The following PXDNL variants were observed in gnomAD, a reference collection of about 807,000 sequenced individuals.
PXDNL encodes the protein probable oxidoreductase PXDNL.
A neutral mutation model predicts 150.8 loss-of-function variants in PXDNL; 145 were observed. That is an observed-to-expected ratio of 0.96 (90% confidence interval 0.84 to 1.10). The LOEUF (loss-of-function observed/expected upper bound fraction) is 1.10. Among genes scored for constraint, PXDNL ranks in the 50% least tolerant of loss-of-function variants. PXDNL has a pLI of 0.00. For missense variants in PXDNL, 2,087 were observed against 1,873.9 expected (o/e 1.11, Z -2.10); for synonymous variants, 757 against 725.7 (o/e 1.04, Z -0.69).
chr8:51,402,029 G>A (rs543701091), intron 17 of PXDNL, among the ~76,000 whole-genome samples: 17 of 152,144 alleles, frequency 1.1e-4, no homozygotes, highest in Non-Finnish European at 2.2e-4. Flanking sequence ...ACCTTTTCGG[G>A]CAAAGGAAGA....
intron 1 of PXDNL, among the ~76,000 whole-genome samples, chr8:51,780,662 T>C (rs2037405758): frequency 7.1e-6 from 1 of 140,520 alleles, no homozygotes. Context: ...TTCTTTTTTT[T>C]TTTTTTTTTT....
Position 51,430,092 on chromosome 8 carries a change from G to A in PXDNL, c.1526-3334C>T, listed in dbSNP as rs931553502. On this transcript the variant is annotated intron_variant, in intron 12 of 22. Transcript: ENST00000356297. ...CCTCCTTTGTCTGATGTCCTTTATC[G>A]CCAGCTGCTTTCACCTCCTGACACA... Among the ~76,000 whole-genome samples, 7 of 152,064 alleles carry A rather than the reference G, an allele frequency of 4.6e-5. No homozygotes were observed. The East Asian group carries it at 7.8e-4, about 17-fold the overall frequency.
At chr8:51,424,563 TAAA>T (rs978124117) in intron 13 of PXDNL, among the ~76,000 whole-genome samples, 9 of 152,068 alleles carry the variant, frequency 5.9e-5, no homozygotes, top group African/African-American at 2.2e-4. Context: ...TATAAGAAGA[TAAA>T]AATAACTACA....
chr8:51,349,769 C>A lies in PXDNL; in HGVS notation c.3902-3822G>T, dbSNP rs750506556. The stretch of plus-strand genomic sequence containing the variant: ...GCTCAGGCAATCCTATGTCTTTCCA[C>A]GAATTGATCAAAACTATGCAACTTT... On this transcript the variant is annotated intron_variant, in intron 19 of 22. Transcript: ENST00000356297. Among the ~76,000 whole-genome samples, 9 of 152,270 alleles carry A rather than the reference C, an allele frequency of 5.9e-5. No individual in the cohort carries two copies. The East Asian group carries it at 1.5e-3, about 26-fold the overall frequency.
At chr8:51,804,273 G>A (rs964016157) in intron 1 of PXDNL, among the ~76,000 whole-genome samples, 4 of 152,168 alleles carry the variant, frequency 2.6e-5, no homozygotes, top group African/African-American at 7.2e-5. Context: ...CTCTCCAAAG[G>A]AGGCAATCGG....
intron 12 of PXDNL, among the ~76,000 whole-genome samples, chr8:51,431,917 A>G (rs1464176601): frequency 1.3e-5 from 2 of 152,182 alleles, no homozygotes; most frequent in East Asian, 1.9e-4. Context: ...TATATATTAC[A>G]GATATCAAAA....
At chr8:51,430,964 C>G (rs1809233133) in intron 12 of PXDNL, among the ~76,000 whole-genome samples, 1 of 152,140 alleles carries the variant, frequency 6.6e-6, no homozygotes, top group Admixed American at 6.6e-5. Context: ...CCTACTTCAT[C>G]TCTTGGAATA....
intron 3 of PXDNL, among the ~76,000 whole-genome samples, chr8:51,562,773 C>A (rs1284937901): frequency 6.6e-6 from 1 of 151,946 alleles, no homozygotes; most frequent in East Asian, 1.9e-4. Context: ...GGTTTCTAAC[C>A]TACCATGGGA....
chr8:51,637,700 G>A (rs1295797671), intron 2 of PXDNL, among the ~76,000 whole-genome samples: 1 of 152,230 alleles, frequency 6.6e-6, no homozygotes, highest in Non-Finnish European at 1.5e-5. Context: ...ATGGGACTAT[G>A]TGAAAAGACC....
chr8:51,535,997 G>C (rs905852255), intron 4 of PXDNL, among the ~76,000 whole-genome samples: 7 of 152,096 alleles, frequency 4.6e-5, no homozygotes, highest in Non-Finnish European at 2.9e-5. Context: ...CTGGACTTGG[G>C]GGATGGAACA....
intron 5 of PXDNL, among the ~76,000 whole-genome samples, chr8:51,485,914 G>A (rs1040653947): frequency 2.6e-5 from 4 of 152,162 alleles, no homozygotes; most frequent in African/African-American, 7.2e-5. Context: ...TTATCTTAAG[G>A]AACACTGGAA....
intron 2 of PXDNL, among the ~76,000 whole-genome samples, chr8:51,629,837 A>C (rs1051092930): frequency 6.6e-6 from 1 of 152,172 alleles, no homozygotes; most frequent in African/African-American, 2.4e-5. Flanking sequence ...ATCCCTCGAA[A>C]ATGAATAATA....
intron 1 of PXDNL, among the ~76,000 whole-genome samples, chr8:51,662,140 A>G (rs920605253): frequency 2.0e-5 from 3 of 152,236 alleles, no homozygotes; most frequent in Non-Finnish European, 4.4e-5. Context: ...CTGGGATCAG[A>G]AAATCAATTA....
intron 4 of PXDNL, among the ~76,000 whole-genome samples, chr8:51,543,199 A>T (rs1284074543): frequency 6.6e-6 from 1 of 152,146 alleles, no homozygotes; most frequent in Non-Finnish European, 1.5e-5. Flanking sequence ...CCAAACTTTC[A>T]CTCAGTTCAA....
At chr8:51,753,529 T>C (rs1013439647) in intron 1 of PXDNL, among the ~76,000 whole-genome samples, 1 of 152,270 alleles carries the variant, frequency 6.6e-6, no homozygotes, top group African/African-American at 2.4e-5. Context: ...GTGTTCATTC[T>C]GATCCATAGT....
intron 1 of PXDNL, among the ~76,000 whole-genome samples, chr8:51,773,658 G>C (rs2037323037): frequency 6.6e-6 from 1 of 152,188 alleles, no homozygotes; most frequent in Admixed American, 6.5e-5. Context: ...GAAGTCAAAT[G>C]AAGTCAAATT....
chr8:51,777,124 A>G (rs1279639152), intron 1 of PXDNL, among the ~76,000 whole-genome samples: 2 of 152,192 alleles, frequency 1.3e-5, no homozygotes, highest in Non-Finnish European at 2.9e-5. Context: ...CCCATTTAAT[A>G]TATGCAAAAT....
At chr8:51,499,571 G>A (rs1811138482) in intron 5 of PXDNL, 128 bp downstream of exon 5, 1 of 639,174 alleles carries the variant, frequency 1.6e-6, no homozygotes, top group Admixed American at 2.6e-5. Context: ...CTGTTTTGTA[G>A]TGCCAAGGTA....
intron 1 of PXDNL, among the ~76,000 whole-genome samples, chr8:51,751,594 G>A (rs1331265579): frequency 6.6e-6 from 1 of 152,160 alleles, no homozygotes; most frequent in Non-Finnish European, 1.5e-5. Flanking sequence ...AGAAAAAAGG[G>A]AATTTGCATT....
Sources: allele counts gnomAD v4.1 joint callset (sites outside exome capture counted in the v4.1 genomes callset), GRCh38; gene constraint gnomAD v4.1.1; transcripts MANE v1.5; gene names NCBI Gene and HGNC (gene_info 2026-07-23, HGNC 2026-07-21).